The following WRAP53 variants were observed in gnomAD, a reference collection of about 807,000 sequenced individuals.
WRAP53 encodes the protein WD repeat containing antisense to TP53, also known as telomerase Cajal body protein 1.
Under a neutral mutation model 56.6 loss-of-function variants are expected in WRAP53, and 28 were observed. The observed-to-expected ratio is 0.50, with a 90% CI of 0.37 to 0.68. The LOEUF is 0.68. WRAP53 is among the 30% of genes least tolerant of loss of function. The pLI is 0.00. For synonymous variants in WRAP53, 283 were observed against 283.4 expected, an observed-to-expected ratio of 1.00 and a Z score of 0.01; for missense variants, 671 against 715.5, an observed-to-expected ratio of 0.94 and a Z score of 0.71.
chr17:7,699,532 A>ATATT (rs1772404580), intron 4 of WRAP53, among the ~76,000 whole-genome samples: 1 of 75,482 alleles, frequency 1.3e-5, no homozygotes, highest in Non-Finnish European at 2.5e-5. Flanking sequence ...TTATATATAT[A>ATATT]TATATATTCC....
At chr17:7,688,269 G>A, upstream of WRAP53, 1 of 254,118 alleles carries the variant, frequency 3.9e-6, no homozygotes, top group South Asian at 4.9e-5. Flanking sequence ...CGCCAAGATA[G>A]AAGCGTTCAG....
rs1244672896 is a variant in WRAP53, at chr17:7,703,343, T to C, written c.1504T>C (p.Leu502=). 7 of 1,613,714 alleles carry C rather than the reference T, an allele frequency of 4.3e-6. No individual in the cohort carries two copies. The highest frequency in any genetic ancestry group is 5.1e-6 in the Non-Finnish European group (6 of 1,179,974). Residue 502 remains leucine, a synonymous_variant, in exon 11 of 11, where the codon TTG becomes CTG. Coordinates refer to ENST00000396463, the MANE Select transcript of WRAP53 (RefSeq NM_001143992.2). ...GDEGEELGLP[L]LSTRHVHLEC... is the part of the protein sequence containing the mutation. ...CGAAGGAGAGGAGCTGGGCCTTCCC[T>C]TGCTCTCCACGCGCCACGTCCACCT...
chr17:7,698,219 CTG>C lies in WRAP53; in HGVS notation c.643-2520_643-2519del, dbSNP rs2037483062. On this transcript the variant is annotated intron_variant, in intron 4 of 10. Coordinates refer to ENST00000396463, the MANE Select transcript of WRAP53 (RefSeq NM_001143992.2). ...CAGTAATTTTACTCTTCAGCAGAAA[CTG>C]TAGAGAAACCCTTCTACATGTGTAC... Among the ~76,000 whole-genome samples, 3 of 152,166 alleles carry C rather than the reference CTG, an allele frequency of 2.0e-5. No individual in the cohort carries two copies. The South Asian group carries it at 6.2e-4, about 31-fold the overall frequency.
rs1254191559 is a variant in WRAP53, at chr17:7,689,432, C to T, written c.530+110C>T. 9.3e-6 allele frequency: 12 copies of T among 1,285,722 alleles called. No homozygotes were observed. The Admixed American group carries it at 1.3e-4, about 14-fold the overall frequency. The allele number at this position is 1,285,722 out of a possible 1,614,324, so 79.6% of individuals were successfully genotyped here. A position where few individuals can be genotyped will look rare whatever the true frequency, so the allele number is the denominator to read the frequency against. On this transcript the variant is annotated intron_variant, in intron 3 of 10. Coordinates refer to ENST00000396463, the MANE Select transcript of WRAP53 (RefSeq NM_001143992.2). ...CAGAGCTGGGAGAAGCGGCACGTAG[C>T]CCTTTTAGACTGAGCTTACATTTTA...
rs7640 is a variant in WRAP53 at position 7,703,404 on chromosome 17, C to G, written c.1565C>G (p.Ala522Gly). The change falls in exon 11 of 11, where the codon GCG (alanine) becomes GGG (glycine). Residue 522 changes from alanine to glycine, a missense_variant. Physicochemically the swap from Ala to Gly is moderately conservative, Grantham distance 60. Coordinates refer to ENST00000396463, the MANE Select transcript of WRAP53 (RefSeq NM_001143992.2). ...CRLQLWWCGGAPDSSIPDDHQ... is the reference protein window; with the variant it reads ...CRLQLWWCGGGPDSSIPDDHQ... Reference sequence around the variant, plus strand: ...CTTCAGCTCTGGTGGTGTGGGGGGGCGCCAGACTCCAGCATCCCTGATGAT... The same window carrying G: ...CTTCAGCTCTGGTGGTGTGGGGGGGGGCCAGACTCCAGCATCCCTGATGAT... 0.26 allele frequency: 412,426 copies of G among 1,613,258 alleles called. 69,315 individuals carry two copies. The highest frequency in any genetic ancestry group is 0.82 in the African/African-American group (61,439 of 74,724).
Position 7,688,655 on chromosome 17 carries a change from A to G in WRAP53, c.7A>G (p.Thr3Ala). Residue 3 changes from threonine to alanine, a missense_variant, in exon 2 of 11, where the codon ACT becomes GCT. By Grantham distance (58) the Thr-to-Ala change is moderately conservative (BLOSUM62 0). This residue lies in a region of WRAP53 where 406 missense variants were observed against 418.5 expected (regional missense o/e 0.97). Coordinates refer to ENST00000396463, the MANE Select transcript of WRAP53 (RefSeq NM_001143992.2). ...GCTGTGCTTCCTCTGCAGTATGAAG[A>G]CTTTGGAGACTCAACCGTTAGCTCC... MK[T>A]LETQPLAPDC... The G allele has an allele frequency of 6.2e-7, 1 of 1,614,182 alleles. No individual in the cohort carries two copies. Among genetic ancestry groups the G allele is most frequent in the African/African-American group, 1.3e-5 (1 of 75,034 alleles).
At chr17:7,688,237 T>A (rs17882910), upstream of WRAP53, 4,189 of 200,220 alleles carry the variant, frequency 0.021, 176 homozygotes, top group African/African-American at 0.092. Flanking sequence ...CGGGACTCGG[T>A]AGGGGGAGCG....
Position 7,702,693 on chromosome 17 carries a change from G to C in WRAP53, c.1165-50G>C. 1 of 1,606,398 alleles carries C rather than the reference G, an allele frequency of 6.2e-7. No homozygotes were observed. The highest frequency in any genetic ancestry group is 8.5e-7 in the Non-Finnish European group (1 of 1,177,232). On this transcript the variant is annotated intron_variant, in intron 8 of 10. Transcript: ENST00000396463. The surrounding 1 kb of genome is among the most constrained non-coding windows in gnomAD (Gnocchi z 5.0). ...TGCCTGGAGACCCCGAGGGAGGCAGGGACATCCAGGGCTTTGGGGGTGACT... is the reference window on the plus strand; with the variant it reads ...TGCCTGGAGACCCCGAGGGAGGCAGCGACATCCAGGGCTTTGGGGGTGACT...
intron 4 of WRAP53, among the ~76,000 whole-genome samples, chr17:7,699,504 ATATATATATATATATATT>A (rs1567577573): frequency 0.037 from 671 of 17,984 alleles, 50 homozygotes; most frequent in African/African-American, 0.1. Flanking sequence ...ATATATATTT[ATATATATATATATATATT>A]TATATATATA....
Position 7,702,259 on chromosome 17 carries a change from C to T in WRAP53, c.956-85C>T. On this transcript the variant is annotated intron_variant, in intron 7 of 10. Coordinates refer to ENST00000396463, the MANE Select transcript of WRAP53 (RefSeq NM_001143992.2). This position sits in a 1 kb window ranked among gnomAD's most constrained non-coding sequence, Gnocchi z 5.0. ...GATGTTGAGTCCAAGCATGTTGGTG[C>T]TGGGACGGGAGACAGACCTCTGCTT... 1.4e-6 allele frequency: 2 copies of T among 1,448,146 alleles called. No individual in the cohort carries two copies. Among genetic ancestry groups the T allele is most frequent in the Non-Finnish European group, 1.9e-6 (2 of 1,031,822 alleles). 89.7% of individuals were successfully genotyped at this position (1,448,146 alleles called of 1,614,324 possible).
rs570343418 is a variant in WRAP53 at position 7,700,827 on chromosome 17, C to A, written c.729C>A (p.Ser243=). The A allele has an allele frequency of 3.2e-5, 51 of 1,610,296 alleles. No homozygotes were observed. In the South Asian group the frequency reaches 4.8e-4, roughly 15 times the overall value. ...TGTCCTCAGCCCAGCCAGACACCTC[C>A]TAGTAAGTAATGTTTGCCTCCCTGC... ...SLMSSAQPDT[S]YVASSSRENP... Residue 243 remains serine, a splice_region_variant and synonymous_variant, in exon 5 of 11, where the codon TCC becomes TCA. Coordinates refer to ENST00000396463, the MANE Select transcript of WRAP53 (RefSeq NM_001143992.2).
upstream of WRAP53, chr17:7,686,226 TAG>T (rs1447160967): frequency 6.6e-6 from 1 of 152,142 alleles, no homozygotes; most frequent in Non-Finnish European, 1.5e-5. Flanking sequence ...AGATAACAGG[TAG>T]ATTGTTTTTC....
intron 3 of WRAP53, 67 bp from the exon 4 acceptor site, chr17:7,689,523 C>T (rs1350458315): frequency 6.7e-7 from 1 of 1,500,986 alleles, no homozygotes; most frequent in Non-Finnish European, 9.3e-7. Context: ...CAGAGGCAGG[C>T]TCAGCCCTAG....
Position 7,703,374 on chromosome 17 carries a change from G to A in WRAP53, c.1535G>A (p.Cys512Tyr). 1 of 1,614,018 alleles carries A rather than the reference G, an allele frequency of 6.2e-7. No homozygotes were observed. The highest frequency in any genetic ancestry group is 2.2e-5 in the East Asian group (1 of 44,852). The change falls in exon 11 of 11, where the codon TGT becomes TAT. Residue 512 changes from cysteine (C) to tyrosine (Y), a missense_variant. By Grantham distance (194) the Cys-to-Tyr change is radical. Transcript: ENST00000396463. Reference sequence around the variant, plus strand: ...TCCACGCGCCACGTCCACCTTGAATGTCGGCTTCAGCTCTGGTGGTGTGGG... The same window carrying A: ...TCCACGCGCCACGTCCACCTTGAATATCGGCTTCAGCTCTGGTGGTGTGGG... ...LLSTRHVHLE[C>Y]RLQLWWCGGA...
intron 4 of WRAP53, among the ~76,000 whole-genome samples, chr17:7,699,522 T>TATTTATATATATATATATATATATA (rs1567577715): frequency 1.4e-4 from 2 of 14,098 alleles, no homozygotes; most frequent in South Asian, 2.1e-3. Flanking sequence ...ATATATATAT[T>TATTTATATATATATATATATATATA]TATATATATA....
chr17:7,696,063 G>A (rs1035378931), intron 4 of WRAP53, among the ~76,000 whole-genome samples: 2 of 152,110 alleles, frequency 1.3e-5, no homozygotes, highest in Non-Finnish European at 2.9e-5. Context: ...TAGGAAAGAG[G>A]AACAGGGGCG....
chr17:7,690,850 T>C lies in WRAP53; in HGVS notation c.642+1149T>C, dbSNP rs1046473401. ...TCTCTTAAACTCAGGAGGTGGAGGC[T>C]GCAGTCAGACAAAATTGTACCACTG... On this transcript the variant is annotated intron_variant, in intron 4 of 10. Transcript: ENST00000396463. Among the ~76,000 whole-genome samples the C allele has an allele frequency of 3.3e-5, 5 of 152,234 alleles. 1 individual carries two copies. Among genetic ancestry groups the C allele is most frequent in the Middle Eastern group, 6.8e-3 (2 of 294 alleles).
At chr17:7,694,992 C>T (rs549837471) in intron 4 of WRAP53, among the ~76,000 whole-genome samples, 1 of 151,412 alleles carries the variant, frequency 6.6e-6, no homozygotes, top group African/African-American at 2.4e-5. Context: ...TTGCTGTGTC[C>T]CCCAGGCTGG....
rs34289079 is a variant in WRAP53, at chr17:7,690,001, T to C, written c.642+300T>C. Among the ~76,000 whole-genome samples the C allele has an allele frequency of 0.21, 31,606 of 152,132 alleles. 5,316 individuals carry two copies. The highest frequency in any genetic ancestry group is 0.46 in the African/African-American group (19,082 of 41,468). ...TCTTGCTCTGTCACCCAGGCTGGAG[T>C]GCTGTGGTGTGATCTCGGCTCACTG... On this transcript the variant is annotated intron_variant, in intron 4 of 10. Transcript: ENST00000396463.
Sources: gnomAD v4.1 joint callset for allele counts (sites outside exome capture counted in the v4.1 genomes callset) on GRCh38, gnomAD v4.1.1 for gene constraint, gnomAD v4.1.1 regional missense constraint, Gnocchi (gnomAD v3.1) non-coding constraint, MANE v1.5 for transcripts, NCBI Gene and HGNC (gene_info 2026-07-23, HGNC 2026-07-21) for gene names.